The following OCA2 variants were observed in gnomAD, a reference collection of about 807,000 sequenced individuals.
The protein encoded by OCA2 is OCA2 melanosomal transmembrane protein, also known as P protein.
OCA2 carries 77 observed loss-of-function variants against 100.2 expected under a neutral mutation model. The ratio of observed to expected loss-of-function variants is 0.77; its 90% CI spans 0.64 to 0.93. OCA2 has a LOEUF of 0.93. Among genes scored for constraint, OCA2 ranks in the 40% least tolerant of loss-of-function variants. The pLI is 0.00. For missense variants in OCA2, 1,062 were observed against 1,089.1 expected (o/e 0.98, Z 0.35); for synonymous variants, 432 against 439.2 (o/e 0.98, Z 0.21).
intron 13 of OCA2, among the ~76,000 whole-genome samples, chr15:27,983,773 C>T (rs1398352652): frequency 6.6e-6 from 1 of 151,852 alleles, no homozygotes; most frequent in Non-Finnish European, 1.5e-5. Context: ...GAGCACTGGC[C>T]CCCAGGGCAG....
intron 19 of OCA2, among the ~76,000 whole-genome samples, chr15:27,877,471 T>C (rs926214104): frequency 6.6e-6 from 1 of 151,984 alleles, no homozygotes; most frequent in Non-Finnish European, 1.5e-5. Context: ...TGTTTTACTT[T>C]AGTGAATCAA....
At chr15:27,967,622 TTTGCAGGGCACTCAGGGCCCATCAG>T (rs1268420205) in intron 14 of OCA2, among the ~76,000 whole-genome samples, 4 of 152,258 alleles carry the variant, frequency 2.6e-5, no homozygotes, top group African/African-American at 9.6e-5. Flanking sequence ...AGCACAGCCC[TTTGCAGGGCACTCAGGGCCCATCAG>T]GGCTGGGATC....
At chr15:27,850,672 A>G (rs192200790) in intron 22 of OCA2, among the ~76,000 whole-genome samples, 1 of 152,352 alleles carries the variant, frequency 6.6e-6, no homozygotes, top group African/African-American at 2.4e-5. Context: ...TTGATTTAAT[A>G]GTCAGAAATC....
At chr15:27,873,354 G>C (rs1177903682) in intron 19 of OCA2, among the ~76,000 whole-genome samples, 1 of 152,206 alleles carries the variant, frequency 6.6e-6, no homozygotes, top group Non-Finnish European at 1.5e-5. Flanking sequence ...ATCACCCCCT[G>C]TTAAGAACCA....
chr15:28,046,486 G>C (rs1014893295), intron 2 of OCA2, among the ~76,000 whole-genome samples: 2 of 152,160 alleles, frequency 1.3e-5, no homozygotes, highest in African/African-American at 2.4e-5. Context: ...GTCTTTCTGG[G>C]AGGACAGGAA....
chr15:28,036,997 C>T (rs1230960196), intron 2 of OCA2, among the ~76,000 whole-genome samples: 2 of 152,070 alleles, frequency 1.3e-5, no homozygotes. Flanking sequence ...CTGTGCATGA[C>T]CAAATTCACA....
At chr15:27,944,439 T>A (rs964112277) in intron 18 of OCA2, among the ~76,000 whole-genome samples, 1 of 152,220 alleles carries the variant, frequency 6.6e-6, no homozygotes, top group African/African-American at 2.4e-5. Flanking sequence ...AGAGACTGAA[T>A]TCTGCTAAAG....
chr15:27,813,673 C>T (rs2034167961), intron 23 of OCA2, among the ~76,000 whole-genome samples: 1 of 152,250 alleles, frequency 6.6e-6, no homozygotes, highest in African/African-American at 2.4e-5. Context: ...ATTACAGTGG[C>T]GCCTAGTGGG....
At chr15:28,079,744 G>A (rs538909169) in intron 2 of OCA2, among the ~76,000 whole-genome samples, 9 of 152,246 alleles carry the variant, frequency 5.9e-5, no homozygotes, top group Admixed American at 2.0e-4. Flanking sequence ...AGTTGCCAGT[G>A]CCATCCCGAC....
At chr15:28,095,976 C>T (rs1292451418) in intron 1 of OCA2, among the ~76,000 whole-genome samples, 2 of 152,230 alleles carry the variant, frequency 1.3e-5, no homozygotes, top group Admixed American at 1.3e-4. Flanking sequence ...AGGCGTCCCT[C>T]TGAGCGAGAA....
chr15:28,073,489 T>C (rs2044329078), intron 2 of OCA2, among the ~76,000 whole-genome samples: 1 of 152,140 alleles, frequency 6.6e-6, no homozygotes, highest in South Asian at 2.1e-4. Context: ...AACAAATTAA[T>C]GCAGGAACAG....
At chr15:27,743,364 C>G in the OCA2 span, among the ~76,000 whole-genome samples, 4 of 152,196 alleles carry the variant, frequency 2.6e-5, no homozygotes, top group Non-Finnish European at 4.4e-5. Context: ...CAGGTTTATT[C>G]CAGTCGCTTT....
the OCA2 span, among the ~76,000 whole-genome samples, chr15:27,730,895 A>C: frequency 6.6e-6 from 1 of 151,900 alleles, no homozygotes; most frequent in African/African-American, 2.4e-5. Context: ...CAACAGAGTG[A>C]GTTTTAGACT....
downstream of OCA2, among the ~76,000 whole-genome samples, chr15:27,750,531 C>A (rs1180409194): frequency 6.6e-6 from 1 of 152,138 alleles, no homozygotes; most frequent in Non-Finnish European, 1.5e-5. Context: ...CTCAGCTGTC[C>A]CCTAGCATTC....
At chr15:27,871,830 CT>C in intron 20 of OCA2, 32 bp downstream of exon 20, 1 of 1,371,702 alleles carries the variant, frequency 7.3e-7, no homozygotes, top group Non-Finnish European at 1.0e-6. Flanking sequence ...AGAACAGTGG[CT>C]GGAGTGCCTT....
At chr15:27,827,642 G>C (rs191230420) in intron 23 of OCA2, among the ~76,000 whole-genome samples, 1 of 152,030 alleles carries the variant, frequency 6.6e-6, no homozygotes, top group African/African-American at 2.4e-5. Flanking sequence ...CAGCTTACTA[G>C]AAGGCAGAAA....
intron 15 of OCA2, 27 bp downstream of exon 15, chr15:27,966,663 C>G (rs375053488): frequency 6.2e-7 from 1 of 1,612,334 alleles, no homozygotes; most frequent in Non-Finnish European, 8.5e-7. Flanking sequence ...GAAATCTGAG[C>G]CTACATGAGG....
intron 1 of OCA2, among the ~76,000 whole-genome samples, chr15:28,093,047 G>T (rs202211723): frequency 6.6e-6 from 1 of 151,938 alleles, no homozygotes; most frequent in Non-Finnish European, 1.5e-5. Flanking sequence ...ATATGCACAC[G>T]GCAACTAAGC....
At chr15:27,905,840 T>A (rs889144229) in intron 19 of OCA2, among the ~76,000 whole-genome samples, 1 of 151,736 alleles carries the variant, frequency 6.6e-6, no homozygotes, top group African/African-American at 2.4e-5. Context: ...CTGAGGAAAA[T>A]CCCCTCTGAA....
Sources: gnomAD v4.1 joint callset for allele counts (sites outside exome capture counted in the v4.1 genomes callset) on GRCh38, gnomAD v4.1.1 for gene constraint, MANE v1.5 for transcripts, NCBI Gene and HGNC (gene_info 2026-07-23, HGNC 2026-07-21) for gene names.